The following TBL1X variants were observed in gnomAD, a reference collection of about 807,000 sequenced individuals.
The protein encoded by TBL1X is transducin beta like 1 X-linked.
In TBL1X, 10 loss-of-function variants were observed where a neutral mutation model predicts 50.7. The ratio of observed to expected loss-of-function variants is 0.20; its 90% CI spans 0.12 to 0.33. The LOEUF is 0.33. TBL1X is among the 10% of genes least tolerant of loss of function. The pLI is 1.00. For missense variants in TBL1X, 340 were observed against 504.4 expected (o/e 0.67, Z 3.12); for synonymous variants, 190 against 214.7 (o/e 0.88, Z 1.01).
At chrX:9,699,690 GT>G (rs1485523230) in intron 12 of TBL1X, among the ~76,000 whole-genome samples, 1 of 111,803 alleles carries the variant, frequency 8.9e-6, no homozygotes, top group African/African-American at 3.3e-5. Context: ...AGGCACGATT[GT>G]GTTAGATGCA....
In TBL1X at chrX:9,691,648, G is replaced by A. The variant is rs370618515; in HGVS notation, c.686G>A (p.Arg229Gln). ...CCATCCAGCAAAGCCACAGTCCTTC[G>A]GGGCCATGAGTCTGAGGTGTTCATT... ...EIPSSKATVL[R>Q]GHESEVFICA... The change falls in exon 8 of 18, where the codon CGG (arginine) becomes CAG (glutamine). Residue 229 changes from arginine to glutamine, a missense_variant. By Grantham distance (43) the Arg-to-Gln change is conservative. Coordinates refer to ENST00000645353, the MANE Select transcript of TBL1X (RefSeq NM_005647.4). 8.3e-6 allele frequency: 10 copies of A among 1,208,906 alleles called. No homozygotes were observed. Among genetic ancestry groups the A allele is most frequent in the Admixed American group, 2.2e-5 (1 of 45,536 alleles).
At chrX:9,472,778 TG>T (rs370652755) in intron 1 of TBL1X, among the ~76,000 whole-genome samples, 5 of 109,722 alleles carry the variant, frequency 4.6e-5, no homozygotes, top group African/African-American at 1.7e-4. Flanking sequence ...CCAGGCATGG[TG>T]GTGGGCGCCT....
intron 5 of TBL1X, among the ~76,000 whole-genome samples, chrX:9,659,430 G>A (rs777830594): frequency 1.8e-4 from 20 of 112,669 alleles, no homozygotes; most frequent in Admixed American, 1.9e-4. Context: ...GCTGTTGTGT[G>A]CACCAGCCAT....
At chrX:9,495,664 A>G (rs763853941) in intron 1 of TBL1X, among the ~76,000 whole-genome samples, 1 of 111,527 alleles carries the variant, frequency 9.0e-6, no homozygotes, top group Admixed American at 9.5e-5. Context: ...CGCCAACAGC[A>G]CTGTGACTCA....
chrX:9,473,637 A>T (rs2081831354), intron 1 of TBL1X, among the ~76,000 whole-genome samples: 1 of 112,142 alleles, frequency 8.9e-6, no homozygotes, highest in Admixed American at 9.4e-5. Flanking sequence ...GTTGCAGCCA[A>T]CTAATGGTTC....
At chrX:9,590,928 G>A (rs2285577) in intron 2 of TBL1X, among the ~76,000 whole-genome samples, 34,412 of 103,543 alleles carry the variant, frequency 0.33, 4,678 homozygotes, top group East Asian at 0.66. Context: ...CACTTCAGGG[G>A]GCTGTGCCTT....
intron 2 of TBL1X, among the ~76,000 whole-genome samples, chrX:9,639,433 C>G (rs140582671): frequency 3.5e-4 from 39 of 111,758 alleles, no homozygotes; most frequent in African/African-American, 1.2e-3. Context: ...AATTGATACT[C>G]TCTAGGAGGC....
intron 2 of TBL1X, among the ~76,000 whole-genome samples, chrX:9,618,447 G>A (rs989411829): frequency 2.7e-5 from 3 of 111,966 alleles, no homozygotes; most frequent in Non-Finnish European, 5.6e-5. Context: ...AGGCCGAGAC[G>A]GGTGGATCAC....
At chrX:9,585,941 G>A (rs1820955964) in intron 2 of TBL1X, among the ~76,000 whole-genome samples, 1 of 111,652 alleles carries the variant, frequency 9.0e-6, no homozygotes, top group African/African-American at 3.3e-5. Context: ...TTAAAAATGA[G>A]TAAACTACAC....
chrX:9,710,163 G>A (rs1355097389), intron 15 of TBL1X, among the ~76,000 whole-genome samples: 10 of 105,078 alleles, frequency 9.5e-5, no homozygotes, highest in East Asian at 3.0e-4. Context: ...GCTGCAGTGC[G>A]CGGTGATCAC....
chrX:9,655,336 T>C lies in TBL1X; in HGVS notation c.211+1014T>C, dbSNP rs150691851. On this transcript the variant is annotated intron_variant, in intron 5 of 17. Transcript: ENST00000645353. ...CCTGGCTCCTGGGGCCTTGCTGCAGTCTTTGAACTCCTTGGCTCGTAGGCA... is the reference window on the plus strand; with the variant it reads ...CCTGGCTCCTGGGGCCTTGCTGCAGCCTTTGAACTCCTTGGCTCGTAGGCA... Among the ~76,000 whole-genome samples the C allele has an allele frequency of 5.0e-3, 554 of 111,245 alleles. 4 individuals are homozygous for C. Among genetic ancestry groups the C allele is most frequent in the African/African-American group, 0.017 (519 of 30,581 alleles).
intron 2 of TBL1X, among the ~76,000 whole-genome samples, chrX:9,575,262 C>T (rs1449104445): frequency 9.0e-6 from 1 of 111,345 alleles, no homozygotes. Flanking sequence ...GACCCAATCA[C>T]CTCCACCAGG....
rs775891007 is a variant in TBL1X at position 9,655,535 on chromosome X, G to A, written c.211+1213G>A. Among the ~76,000 whole-genome samples the A allele has an allele frequency of 9.8e-5, 11 of 111,926 alleles. No individual in the cohort carries two copies. In the South Asian group the frequency reaches 2.2e-3, roughly 23 times the overall value. On this transcript the variant is annotated intron_variant, in intron 5 of 17. Transcript: ENST00000645353. Reference sequence around the variant, plus strand: ...TAAATAGTGTCACATTCTGAGGTGCGCTGTTGGTGAACACTGCAACCTGTG... The same window carrying A: ...TAAATAGTGTCACATTCTGAGGTGCACTGTTGGTGAACACTGCAACCTGTG...
chrX:9,557,337 GCT>G (rs1355405451), intron 2 of TBL1X, among the ~76,000 whole-genome samples: 2 of 112,267 alleles, frequency 1.8e-5, no homozygotes, highest in African/African-American at 6.5e-5. Flanking sequence ...TCAGACTTCT[GCT>G]TTAGGAAGAG....
In TBL1X at chrX:9,503,267, C is replaced by T. The variant is rs185300041; in HGVS notation, c.-131+1418C>T. On this transcript the variant is annotated intron_variant, in intron 2 of 17. Coordinates refer to ENST00000645353, the MANE Select transcript of TBL1X (RefSeq NM_005647.4). ...GAGGTGAGTGAGCACGCTACCCAGC[C>T]GGGGAAACTGCTTTTCCACAGAACT... Among the ~76,000 whole-genome samples the T allele has an allele frequency of 2.1e-4, 24 of 112,388 alleles. 1 individual carries two copies. The East Asian group carries it at 5.6e-3, about 26-fold the overall frequency.
intron 2 of TBL1X, among the ~76,000 whole-genome samples, chrX:9,569,242 C>CTG (rs749304892): frequency 1.1e-5 from 1 of 94,758 alleles, no homozygotes. Context: ...CTGCAGTGTG[C>CTG]TGTGTGTGTG....
At position 9,491,847 on chromosome X, in the gene TBL1X, T is replaced by TA. The variant is rs201093109; in HGVS notation, c.-200-9924dup. On this transcript the variant is annotated intron_variant, in intron 1 of 17. Coordinates refer to ENST00000645353, the MANE Select transcript of TBL1X (RefSeq NM_005647.4). ...TTGGTGATTGAAATGTTTCAGATAT[T>TA]AAAAAAAAATCAAGAATTGCTTGCT... is the stretch of plus-strand genomic sequence containing the variant. 1.1e-3 allele frequency among the ~76,000 whole-genome samples: 120 copies of TA among 110,018 alleles called. 1 individual carries two copies. The East Asian group carries it at 0.015, about 14-fold the overall frequency.
intron 12 of TBL1X, among the ~76,000 whole-genome samples, chrX:9,704,529 G>A (rs1329159696): frequency 9.0e-6 from 1 of 111,286 alleles, no homozygotes; most frequent in African/African-American, 3.3e-5. Context: ...GGCAGGAGAG[G>A]GTCTTTAAGG....
rs368709437 is a variant in TBL1X at position 9,629,313 on chromosome X, T to C, written c.-130-10960T>C. On this transcript the variant is annotated intron_variant, in intron 2 of 17. Coordinates refer to ENST00000645353, the MANE Select transcript of TBL1X (RefSeq NM_005647.4). ...CACCCATTTGTTTACAGATTGCCAG[T>C]GGCTTCCAGGTACACGTGACTACGA... 6.2e-5 allele frequency among the ~76,000 whole-genome samples: 7 copies of C among 112,666 alleles called. No homozygotes were observed. In the South Asian group the frequency reaches 2.6e-3, roughly 41 times the overall value.
Sources: gnomAD v4.1 joint callset for allele counts (sites outside exome capture counted in the v4.1 genomes callset) on GRCh38, gnomAD v4.1.1 for gene constraint, MANE v1.5 for transcripts, NCBI Gene and HGNC (gene_info 2026-07-23, HGNC 2026-07-21) for gene names.